Variants in RTL4 observed in about 807,000 individuals in gnomAD.
RTL4 encodes retrotransposon Gag-like protein 4.
RTL4 carries 4 observed loss-of-function variants against 5.3 expected under a neutral mutation model. That is an observed-to-expected ratio of 0.75 (90% CI 0.37 to 1.72). The LOEUF is 1.72. Among genes scored for constraint, RTL4 ranks in the 40% most tolerant of loss-of-function variants. The pLI is 0.04. For synonymous variants in RTL4, 98 were observed against 87.3 expected, an observed-to-expected ratio of 1.12 and a Z score of -0.68; for missense variants, 260 against 227.1, an observed-to-expected ratio of 1.14 and a Z score of -0.93.
chrX:112,427,399 T>C, the RTL4 span, among the ~76,000 whole-genome samples: 1 of 110,781 alleles, frequency 9.0e-6, no homozygotes, highest in African/African-American at 3.3e-5. Flanking sequence ...CATCTATTCC[T>C]GGGAAAAATT....
chrX:112,426,752 A>C, the RTL4 span, among the ~76,000 whole-genome samples: 1 of 111,077 alleles, frequency 9.0e-6, no homozygotes, highest in African/African-American at 3.3e-5. Context: ...AAGAAGTTTT[A>C]TTTTTTATTC....
At chrX:112,457,306 G>C (rs868545058), downstream of RTL4, among the ~76,000 whole-genome samples, 6 of 111,682 alleles carry the variant, frequency 5.4e-5, no homozygotes, top group Middle Eastern at 9.2e-3. Context: ...TTTTAACAAC[G>C]GCTCGCTGCA....
the RTL4 span, among the ~76,000 whole-genome samples, chrX:112,208,819 T>C: frequency 8.9e-6 from 1 of 112,590 alleles, no homozygotes; most frequent in African/African-American, 3.2e-5. Context: ...TTTTTTGGTC[T>C]GTTTCAAGAA....
At chrX:112,214,441 G>A in the RTL4 span, among the ~76,000 whole-genome samples, 1 of 112,114 alleles carries the variant, frequency 8.9e-6, no homozygotes, top group Non-Finnish European at 1.9e-5. Flanking sequence ...TTGCTCTCAT[G>A]TCTTGGCTAC....
At chrX:112,201,512 G>C in the RTL4 span, among the ~76,000 whole-genome samples, 1 of 110,468 alleles carries the variant, frequency 9.1e-6, no homozygotes, top group Non-Finnish European at 1.9e-5. Flanking sequence ...TTCATTCATG[G>C]TTATAGTGCA....
At chrX:112,118,274 A>G in the RTL4 span, among the ~76,000 whole-genome samples, 7 of 112,107 alleles carry the variant, frequency 6.2e-5, no homozygotes, top group South Asian at 2.6e-3. Flanking sequence ...TGTAAGCAAT[A>G]TGTTGGGTTG....
chrX:112,296,711 G>A, the RTL4 span, among the ~76,000 whole-genome samples: 2 of 105,312 alleles, frequency 1.9e-5, no homozygotes, highest in South Asian at 4.4e-4. Flanking sequence ...CCGAGTTCAC[G>A]CCTTTCTCCT....
the RTL4 span, among the ~76,000 whole-genome samples, chrX:112,205,606 TACAC>T: frequency 1.3e-4 from 14 of 107,617 alleles, no homozygotes; most frequent in South Asian, 8.1e-4. Flanking sequence ...CGTGTGCATG[TACAC>T]ACACACACAC....
At chrX:112,116,351 T>C in the RTL4 span, among the ~76,000 whole-genome samples, 31 of 110,976 alleles carry the variant, frequency 2.8e-4, no homozygotes, top group African/African-American at 9.5e-4. Context: ...GCAGTGAGTG[T>C]TACAGCTCTT....
the RTL4 span, among the ~76,000 whole-genome samples, chrX:112,306,204 G>C: frequency 1.2e-4 from 13 of 111,451 alleles, no homozygotes; most frequent in Admixed American, 1.3e-3. Flanking sequence ...GCCCCACCCA[G>C]AACAGCCCCA....
At chrX:112,252,167 A>G in the RTL4 span, among the ~76,000 whole-genome samples, 1 of 112,206 alleles carries the variant, frequency 8.9e-6, no homozygotes, top group Non-Finnish European at 1.9e-5. Flanking sequence ...AAACTGGTTC[A>G]TGCTTTTCCA....
chrX:112,246,481 C>T, the RTL4 span, among the ~76,000 whole-genome samples: 4 of 112,150 alleles, frequency 3.6e-5, no homozygotes, highest in African/African-American at 1.3e-4. Context: ...CAGAATGCTG[C>T]ACTTGCAGTG....
the RTL4 span, among the ~76,000 whole-genome samples, chrX:112,416,007 T>A: frequency 8.9e-6 from 1 of 111,959 alleles, no homozygotes; most frequent in African/African-American, 3.2e-5. Flanking sequence ...GAAATCAAGG[T>A]GTTGACAGAG....
At chrX:112,424,370 T>C in the RTL4 span, among the ~76,000 whole-genome samples, 9 of 111,568 alleles carry the variant, frequency 8.1e-5, no homozygotes, top group African/African-American at 2.6e-4. Flanking sequence ...CTTCTGGACT[T>C]TGAGTTGTAG....
the RTL4 span, among the ~76,000 whole-genome samples, chrX:112,303,419 A>C: frequency 5.5e-5 from 6 of 109,060 alleles, no homozygotes; most frequent in Non-Finnish European, 1.1e-4. Context: ...ATGTATTGTC[A>C]TTTCTCCATT....
the RTL4 span, among the ~76,000 whole-genome samples, chrX:112,207,720 C>CG: frequency 1.3e-4 from 14 of 107,160 alleles, no homozygotes; most frequent in Admixed American, 1.4e-3. Context: ...TCTGGTGAAG[C>CG]GGGAGATAGA....
the RTL4 span, among the ~76,000 whole-genome samples, chrX:112,132,032 CAG>C: frequency 8.9e-6 from 1 of 111,783 alleles, no homozygotes; most frequent in Admixed American, 9.5e-5. Flanking sequence ...TCCAAGGAGA[CAG>C]AGTCTGGATC....
the RTL4 span, among the ~76,000 whole-genome samples, chrX:112,155,990 C>A: frequency 8.9e-5 from 10 of 112,165 alleles, 1 homozygote; most frequent in East Asian, 2.8e-3. Context: ...AAGTTTCTAG[C>A]AGCTCAGCGT....
the RTL4 span, chrX:112,382,216 C>G: frequency 7.9e-6 from 9 of 1,142,549 alleles, no homozygotes; most frequent in Non-Finnish European, 1.1e-5. Flanking sequence ...AAGGATTAAT[C>G]CAAAGTAACT....
Sources: allele counts gnomAD v4.1 joint callset (sites outside exome capture counted in the v4.1 genomes callset), GRCh38; gene constraint gnomAD v4.1.1; transcripts MANE v1.5; gene names NCBI Gene and HGNC (gene_info 2026-07-23, HGNC 2026-07-21).